The following IFT140 variants were observed in gnomAD, a reference collection of about 807,000 sequenced individuals.
IFT140 encodes the protein intraflagellar transport protein 140 homolog.
IFT140 carries 133 observed loss-of-function variants against 164.6 expected under a neutral mutation model. The ratio of observed to expected loss-of-function variants is 0.81; its 90% CI spans 0.70 to 0.93. The LOEUF (loss-of-function observed/expected upper bound fraction) is 0.93. IFT140 is among the 40% of genes least tolerant of loss of function. The pLI, the probability that IFT140 is intolerant of heterozygous loss-of-function variation, is 0.00. For synonymous variants in IFT140, 860 were observed against 817.3 expected (o/e 1.05, Z -0.89); for missense variants, 2,045 against 1,972.3 (o/e 1.04, Z -0.70).
rs371103494 is a variant in IFT140, at chr16:1,519,958, G to A, written c.3963C>T (p.Ser1321=). Residue 1321 remains serine (S), a synonymous_variant, in exon 29 of 31, where the codon AGC becomes AGT. Transcript: ENST00000426508. ...YKCLAKAKAK[S]PLDQETRLAQ... ...CCAGCCTGGTCTCCTGGTCCAGGGG[G>A]CTCTTGGCCTTGGCCTTGGCCAGGC... 1 of 1,606,762 alleles carries A rather than the reference G, an allele frequency of 6.2e-7. No individual in the cohort carries two copies. The highest frequency in any genetic ancestry group is 8.5e-7 in the Non-Finnish European group (1 of 1,177,260).
chr16:1,562,265 T>C (rs761234957), intron 17 of IFT140, 149 bp from the exon 18 acceptor site: 4 of 574,884 alleles, frequency 7.0e-6, no homozygotes, highest in Non-Finnish European at 1.1e-5. Context: ...TTTGCTTTGA[T>C]TACACCACCT....
intron 14 of IFT140, among the ~76,000 whole-genome samples, chr16:1,569,562 C>T (rs2033914878): frequency 6.7e-6 from 1 of 149,260 alleles, no homozygotes; most frequent in Admixed American, 6.7e-5. Flanking sequence ...CACTCCCCTC[C>T]TCTCCCTCCC....
intron 19 of IFT140, 136 bp from the exon 20 acceptor site, chr16:1,526,932 G>A: frequency 1.0e-6 from 1 of 970,352 alleles, no homozygotes; most frequent in Admixed American, 2.9e-5. Flanking sequence ...TCACCCATCG[G>A]CTCCGCCCCT....
At chr16:1,554,648 T>C in intron 19 of IFT140, 1 of 1,344,172 alleles carries the variant, frequency 7.4e-7, no homozygotes, top group Non-Finnish European at 1.0e-6. Flanking sequence ...TAAAGCAGGC[T>C]GGAACCCGCT....
rs766622777 is a variant in IFT140, at chr16:1,518,352, T to G, written c.4046A>C (p.Tyr1349Ser). 1.9e-6 allele frequency: 3 copies of G among 1,613,634 alleles called. No homozygotes were observed. Among genetic ancestry groups the G allele is most frequent in the Non-Finnish European group, 8.5e-7 (1 of 1,179,786 alleles). The part of the protein sequence containing the change: ...VKRFIQARRT[Y>S]TEDPKESIKQ... ...GATGGACTCCTTGGGGTCCTCTGTGTACGTCCTGCCGAGAGCAGAGATGAG... is the reference window on the plus strand; with the variant it reads ...GATGGACTCCTTGGGGTCCTCTGTGGACGTCCTGCCGAGAGCAGAGATGAG... Residue 1349 changes from tyrosine to serine, a missense_variant, in exon 30 of 31, where the codon TAC (tyrosine) becomes TCC (serine). Physicochemically the swap from Tyr to Ser is moderately radical, Grantham distance 144. Coordinates refer to ENST00000426508, the MANE Select transcript of IFT140 (RefSeq NM_014714.4).
intron 30 of IFT140, among the ~76,000 whole-genome samples, chr16:1,516,630 C>T (rs886200421): frequency 1.3e-5 from 2 of 151,594 alleles, no homozygotes; most frequent in African/African-American, 2.4e-5. Context: ...ATTATCTGGG[C>T]GTGGTGGCGG....
intron 14 of IFT140, 96 bp from the exon 15 acceptor site, chr16:1,568,430 C>G (rs1041163560): frequency 2.1e-4 from 215 of 1,003,192 alleles, no homozygotes; most frequent in Non-Finnish European, 2.9e-4. Context: ...GAGTGCTGCA[C>G]AGCTCTTAGG....
chr16:1,592,594 A>T lies in IFT140; in HGVS notation c.370-6T>A, dbSNP rs747037145. 5.0e-6 allele frequency: 8 copies of T among 1,613,788 alleles called. No individual in the cohort carries two copies. The highest frequency in any genetic ancestry group is 6.8e-6 in the Non-Finnish European group (8 of 1,179,814). ...CACAAGAGCAAGACACCAAGCTGGA[A>T]AGACCCAACACCACGTGTTAGGACA... On this transcript the variant is annotated splice_region_variant and splice_polypyrimidine_tract_variant and intron_variant, in intron 4 of 30. Transcript: ENST00000426508.
chr16:1,525,532 C>T (rs1459600639), intron 21 of IFT140, among the ~76,000 whole-genome samples: 3 of 152,134 alleles, frequency 2.0e-5, no homozygotes, highest in Admixed American at 6.5e-5. Flanking sequence ...GGAGGCGGGT[C>T]GCCCATCCAC....
In IFT140 at chr16:1,564,020, G is replaced by A; in HGVS notation, c.2044C>T (p.Gln682Ter). 4.4e-6 allele frequency: 7 copies of A among 1,591,216 alleles called. No individual in the cohort carries two copies. The highest frequency in any genetic ancestry group is 5.2e-6 in the Non-Finnish European group (6 of 1,162,688). The change falls in exon 17 of 31, where the codon CAA becomes TAA. Residue 682 changes from glutamine (Q) to a stop codon, truncating the protein, a stop_gained. Transcript: ENST00000426508. LOFTEE classifies it high-confidence loss of function. This position sits in a 1 kb window ranked among gnomAD's most constrained non-coding sequence, Gnocchi z 5.5. ...SQPQSANGQP[Q>*]DGRAGPAADV... is the part of the protein sequence containing the mutation. Reference sequence around the variant, plus strand: ...ACCGCAGGGCCAGCGCGCCCATCTTGGGGCTGCCCGTTTGCAGACTGAGGC... The same window carrying A: ...ACCGCAGGGCCAGCGCGCCCATCTTAGGGCTGCCCGTTTGCAGACTGAGGC...
chr16:1,563,798 A>C (rs113149627), intron 17 of IFT140, among the ~76,000 whole-genome samples, 199 bp downstream of exon 17: 1 of 152,170 alleles, frequency 6.6e-6, no homozygotes, highest in African/African-American at 2.4e-5. Flanking sequence ...TCTTATTATT[A>C]TTCTTTTTTA....
rs759849021 is a variant in IFT140, at chr16:1,519,901, C to T, written c.4020G>A (p.Lys1340=). ...CACACCTGCGGGCCTGGATGAACCT[C>T]TTCACCAGTGCCATCCTGCTCTGCA... ...AQLQSRMALV[K]RFIQARRTYT... The change falls in exon 29 of 31, where the codon AAG becomes AAA. Residue 1340 remains lysine, a synonymous_variant. Coordinates refer to ENST00000426508, the MANE Select transcript of IFT140 (RefSeq NM_014714.4). 1 of 1,567,044 alleles carries T rather than the reference C, an allele frequency of 6.4e-7. No homozygotes were observed. Among genetic ancestry groups the T allele is most frequent in the Non-Finnish European group, 8.6e-7 (1 of 1,159,364 alleles).
chr16:1,539,215 C>T (rs141767882), intron 19 of IFT140, among the ~76,000 whole-genome samples: 10 of 147,702 alleles, frequency 6.8e-5, no homozygotes, highest in South Asian at 2.2e-4. Context: ...ACGGTGCCAA[C>T]GCCGACCCAA....
At chr16:1,536,377 CT>C (rs2031074108) in intron 19 of IFT140, among the ~76,000 whole-genome samples, 1 of 152,202 alleles carries the variant, frequency 6.6e-6, no homozygotes, top group Admixed American at 6.5e-5. Context: ...ACAGAGCCCC[CT>C]GGACTGCCTC....
rs1195616235 is a variant in IFT140 at position 1,523,214 on chromosome 16, G to A, written c.3453+304C>T. 3.7e-5 allele frequency among the ~76,000 whole-genome samples: 5 copies of A among 134,876 alleles called. No individual in the cohort carries two copies. In the East Asian group the frequency reaches 1.1e-3, roughly 30 times the overall value. The allele number at this position is 134,876 out of a possible 152,430, so 88.5% of individuals were successfully genotyped here. On this transcript the variant is annotated intron_variant, in intron 26 of 30. Transcript: ENST00000426508. ...AGCCTGGGCAACAGAGCGAGACCCT[G>A]TCTCAAAAAAAAAAAAAAAAAGGCT... is the stretch of plus-strand genomic sequence containing the variant.
chr16:1,547,923 C>T (rs2235645), intron 19 of IFT140, among the ~76,000 whole-genome samples: 37,372 of 152,106 alleles, frequency 0.25, 4,842 homozygotes, highest in South Asian at 0.33. Context: ...GTGATCCTCC[C>T]GCTTCAGCCT....
intron 19 of IFT140, among the ~76,000 whole-genome samples, chr16:1,537,099 G>C (rs1055142966): frequency 1.3e-5 from 2 of 152,228 alleles, no homozygotes; most frequent in African/African-American, 4.8e-5. Flanking sequence ...ACGTATGATG[G>C]GCTGCGACCG....
At chr16:1,576,591 CA>C (rs34888852) in intron 13 of IFT140, 50 of 102,236 alleles carry the variant, frequency 4.9e-4, no homozygotes, top group Non-Finnish European at 7.2e-4. Context: ...AACTTCGTCT[CA>C]AAAAAAAAAA....
chr16:1,554,768 T>C, intron 19 of IFT140: 1 of 1,613,514 alleles, frequency 6.2e-7, no homozygotes. Flanking sequence ...TCTCAACCCT[T>C]CTCTCATCTG....
Sources: allele counts gnomAD v4.1 joint callset (sites outside exome capture counted in the v4.1 genomes callset), GRCh38; gene constraint gnomAD v4.1.1; non-coding constraint Gnocchi (gnomAD v3.1); transcripts MANE v1.5; gene names NCBI Gene and HGNC (gene_info 2026-07-23, HGNC 2026-07-21).